SOX6: variants seen among roughly 807,000 people sequenced by gnomAD.
SOX6 encodes transcription factor SOX-6.
In SOX6, 11 loss-of-function variants were observed where a neutral mutation model predicts 97.8. That is an observed-to-expected ratio of 0.11 (90% CI 0.07 to 0.19). The LOEUF is 0.19. Ranked by LOEUF, SOX6 falls within the 10% of genes least tolerant of loss-of-function variation. The probability of loss-of-function intolerance (pLI) is 1.00; values close to 1 mark genes in which losing one functional copy is unlikely to be tolerated. For synonymous variants in SOX6, 360 were observed against 371.4 expected (o/e 0.97, Z 0.35); for missense variants, 810 against 1,039.5 (o/e 0.78, Z 3.04).
intron 4 of SOX6, among the ~76,000 whole-genome samples, chr11:16,579,838 G>A (rs1200372358): frequency 6.6e-6 from 1 of 152,048 alleles, no homozygotes; most frequent in Non-Finnish European, 1.5e-5. Context: ...CACAGAACAG[G>A]CACATGTTTA....
intron 3 of SOX6, among the ~76,000 whole-genome samples, chr11:16,238,479 G>A (rs1171810255): frequency 6.6e-6 from 1 of 152,008 alleles, no homozygotes; most frequent in Non-Finnish European, 1.5e-5. Flanking sequence ...TTAATTTTAT[G>A]ATGTAAGAAA....
At chr11:16,105,684 G>A (rs1016399324) in intron 7 of SOX6, among the ~76,000 whole-genome samples, 1 of 152,142 alleles carries the variant, frequency 6.6e-6, no homozygotes, top group African/African-American at 2.4e-5. Flanking sequence ...CTGCTATTCA[G>A]TCTTGTAGTG....
intron 6 of SOX6, among the ~76,000 whole-genome samples, chr11:16,125,331 A>G (rs1450979104): frequency 6.6e-6 from 1 of 152,150 alleles, no homozygotes; most frequent in Non-Finnish European, 1.5e-5. Flanking sequence ...GTAAATTCTT[A>G]GTTCAGTCTC....
intron 9 of SOX6, among the ~76,000 whole-genome samples, chr11:16,059,376 T>C (rs935813956): frequency 2.9e-4 from 44 of 152,050 alleles, no homozygotes; most frequent in Admixed American, 7.9e-4. Context: ...ATTTCTATCA[T>C]AATAAATAGA....
chr11:16,259,929 C>T (rs1853825095), intron 3 of SOX6, among the ~76,000 whole-genome samples: 1 of 136,686 alleles, frequency 7.3e-6, no homozygotes, highest in Admixed American at 7.3e-5. Flanking sequence ...GCATGTTATA[C>T]TTCAATGTCC....
chr11:16,482,926 A>G (rs1185121844), intron 4 of SOX6, among the ~76,000 whole-genome samples: 1 of 152,198 alleles, frequency 6.6e-6, no homozygotes, highest in African/African-American at 2.4e-5. Flanking sequence ...GAATTCAATG[A>G]CTACTAATAT....
At chr11:16,563,331 G>A (rs2133193420) in intron 4 of SOX6, among the ~76,000 whole-genome samples, 1 of 152,268 alleles carries the variant, frequency 6.6e-6, no homozygotes, top group African/African-American at 2.4e-5. Context: ...TTTAGTTCTA[G>A]CTACTCAAGA....
chr11:16,670,833 T>A (rs1847843017), intron 3 of SOX6, among the ~76,000 whole-genome samples: 2 of 151,452 alleles, frequency 1.3e-5, no homozygotes, highest in South Asian at 4.2e-4. Flanking sequence ...AGAGCTGCAG[T>A]GGGCAGCCCA....
At chr11:16,507,443 G>T (rs1281450021) in intron 4 of SOX6, among the ~76,000 whole-genome samples, 1 of 151,996 alleles carries the variant, frequency 6.6e-6, no homozygotes, top group African/African-American at 2.4e-5. Context: ...ACTAAAAAAA[G>T]GGCCCAAATA....
chr11:16,245,687 T>C (rs1228045651), intron 3 of SOX6, among the ~76,000 whole-genome samples: 1 of 151,756 alleles, frequency 6.6e-6, no homozygotes, highest in East Asian at 1.9e-4. Context: ...CATTATGAAA[T>C]GTCCTTCTTT....
intron 4 of SOX6, among the ~76,000 whole-genome samples, chr11:16,546,720 A>G (rs913671497): frequency 1.2e-4 from 19 of 152,148 alleles, no homozygotes; most frequent in African/African-American, 4.6e-4. Flanking sequence ...TTTTATAGCT[A>G]AGACCCAAAG....
At chr11:16,373,283 T>C (rs1156941939) in intron 1 of SOX6, among the ~76,000 whole-genome samples, 1 of 152,098 alleles carries the variant, frequency 6.6e-6, no homozygotes, top group Non-Finnish European at 1.5e-5. Context: ...CTACAAAATG[T>C]AAAGCAGTAA....
upstream of SOX6, among the ~76,000 whole-genome samples, chr11:16,360,739 C>T (rs898924096): frequency 6.6e-6 from 1 of 152,206 alleles, no homozygotes; most frequent in Non-Finnish European, 1.5e-5. Flanking sequence ...CACAGTGGCT[C>T]ACGCCTGTAA....
At chr11:16,583,562 GAAT>G (rs1401883993) in intron 4 of SOX6, among the ~76,000 whole-genome samples, 57 of 130,328 alleles carry the variant, frequency 4.4e-4, no homozygotes, top group African/African-American at 8.8e-4. Flanking sequence ...TTTTATGGAT[GAAT>G]AATATTTCAT....
chr11:16,190,143 A>G (rs1179761965), intron 4 of SOX6, among the ~76,000 whole-genome samples: 1 of 152,234 alleles, frequency 6.6e-6, no homozygotes, highest in East Asian at 1.9e-4. Context: ...AACTGAATTT[A>G]TGGAATAACA....
chr11:16,437,831 GTTGCTTATAGT>G (rs1438127875), intron 1 of SOX6, among the ~76,000 whole-genome samples: 1 of 152,186 alleles, frequency 6.6e-6, no homozygotes, highest in Non-Finnish European at 1.5e-5. Flanking sequence ...ACCTCAAAGA[GTTGCTTATAGT>G]TTCACATGAG....
intron 12 of SOX6, among the ~76,000 whole-genome samples, chr11:16,033,370 TA>T (rs1855432868): frequency 6.6e-6 from 1 of 152,176 alleles, no homozygotes; most frequent in Non-Finnish European, 1.5e-5. Flanking sequence ...GTGGCATACC[TA>T]GTAATACACA....
chr11:16,016,841 C>T (rs1371250319), intron 12 of SOX6, among the ~76,000 whole-genome samples: 1 of 152,016 alleles, frequency 6.6e-6, no homozygotes, highest in Non-Finnish European at 1.5e-5. Context: ...TTTGATGTGA[C>T]ACCTGCAATC....
intron 4 of SOX6, among the ~76,000 whole-genome samples, chr11:16,585,532 G>A (rs1164184517): frequency 6.6e-6 from 1 of 152,102 alleles, no homozygotes; most frequent in African/African-American, 2.4e-5. Context: ...CTCGAGCACT[G>A]TACAGGTTAG....
Sources: gnomAD v4.1 joint callset for allele counts (sites outside exome capture counted in the v4.1 genomes callset) on GRCh38, gnomAD v4.1.1 for gene constraint, MANE v1.5 for transcripts, NCBI Gene and HGNC (gene_info 2026-07-23, HGNC 2026-07-21) for gene names.